Variants in DOK6 observed in about 807,000 individuals in gnomAD.
DOK6 encodes the protein downstream of tyrosine kinase 6.
DOK6 carries 22 observed loss-of-function variants against 44.0 expected under a neutral mutation model. The ratio of observed to expected loss-of-function variants is 0.50; its 90% CI spans 0.36 to 0.71. DOK6 has a LOEUF of 0.71. Among genes scored for constraint, DOK6 ranks in the 30% least tolerant of loss-of-function variants. The probability of loss-of-function intolerance (pLI) is 0.00; values close to 1 mark genes in which losing one functional copy is unlikely to be tolerated. For missense variants in DOK6, 340 were observed against 416.4 expected, an observed-to-expected ratio of 0.82 and a Z score of 1.60; for synonymous variants, 166 against 145.5, an observed-to-expected ratio of 1.14 and a Z score of -1.01.
chr18:69,404,349 G>A (rs1319222903), intron 1 of DOK6, among the ~76,000 whole-genome samples: 1 of 152,284 alleles, frequency 6.6e-6, no homozygotes, highest in East Asian at 1.9e-4. Context: ...CTTACCCACT[G>A]CTTGGGAAAG....
intron 7 of DOK6, among the ~76,000 whole-genome samples, chr18:69,777,172 AAACT>A (rs1980101746): frequency 6.6e-6 from 1 of 151,998 alleles, no homozygotes; most frequent in South Asian, 2.1e-4. Context: ...TAAAAAAGTA[AAACT>A]AACTTTTTCA....
At chr18:69,513,337 C>T (rs1981425560) in intron 1 of DOK6, among the ~76,000 whole-genome samples, 3 of 152,190 alleles carry the variant, frequency 2.0e-5, no homozygotes, top group Admixed American at 2.0e-4. Flanking sequence ...AACTCAGACA[C>T]ACGCCTTTGA....
intron 1 of DOK6, among the ~76,000 whole-genome samples, chr18:69,456,008 A>C (rs1397794320): frequency 6.6e-6 from 1 of 152,148 alleles, no homozygotes; most frequent in East Asian, 1.9e-4. Context: ...AAGACTTCAA[A>C]TTTGTTTGAA....
intron 7 of DOK6, among the ~76,000 whole-genome samples, chr18:69,822,629 G>T (rs1428158875): frequency 6.6e-6 from 1 of 152,174 alleles, no homozygotes; most frequent in African/African-American, 2.4e-5. Flanking sequence ...TTTGGCTTCA[G>T]AGGAAGACCT....
In DOK6 at chr18:69,436,573, G is replaced by C. The variant is rs1024028306; in HGVS notation, c.66+35263G>C. Among the ~76,000 whole-genome samples the C allele has an allele frequency of 3.9e-5, 6 of 152,220 alleles. No individual in the cohort carries two copies. In the East Asian group the frequency reaches 1.2e-3, roughly 29 times the overall value. On this transcript the variant is annotated intron_variant, in intron 1 of 7. Coordinates refer to ENST00000382713, the MANE Select transcript of DOK6 (RefSeq NM_152721.6). ...CCAGTCTATCATTGATGGACATTTG[G>C]GTTGGTTCCAAGTCTTTGCTATTGT...
At chr18:69,577,503 C>T (rs914841500) in intron 2 of DOK6, among the ~76,000 whole-genome samples, 3 of 152,116 alleles carry the variant, frequency 2.0e-5, no homozygotes, top group East Asian at 1.9e-4. Flanking sequence ...ATATACACAT[C>T]GGTTTCTAGG....
At chr18:69,494,360 C>T (rs1568275696) in intron 1 of DOK6, among the ~76,000 whole-genome samples, 1 of 152,092 alleles carries the variant, frequency 6.6e-6, no homozygotes, top group Admixed American at 6.5e-5. Flanking sequence ...CCTGTAATCC[C>T]AGCTATTTGG....
intron 4 of DOK6, among the ~76,000 whole-genome samples, chr18:69,680,613 A>G (rs1341516182): frequency 6.6e-6 from 1 of 152,226 alleles, no homozygotes; most frequent in African/African-American, 2.4e-5. Context: ...AGAGACAACT[A>G]TACACACACA....
chr18:69,474,431 T>C (rs1426104693), intron 1 of DOK6, among the ~76,000 whole-genome samples: 2 of 152,232 alleles, frequency 1.3e-5, no homozygotes, highest in Non-Finnish European at 2.9e-5. Flanking sequence ...AGGCAAACTC[T>C]TGCCTGATTT....
chr18:69,455,520 A>AT (rs922121141), intron 1 of DOK6, among the ~76,000 whole-genome samples: 1 of 152,060 alleles, frequency 6.6e-6, no homozygotes, highest in Non-Finnish European at 1.5e-5. Context: ...AAAATACCTC[A>AT]TTTTTTGTTT....
At chr18:69,424,126 C>T (rs1978571703) in intron 1 of DOK6, among the ~76,000 whole-genome samples, 1 of 152,092 alleles carries the variant, frequency 6.6e-6, no homozygotes, top group Non-Finnish European at 1.5e-5. Context: ...TAAATACCTA[C>T]AATTTGTATT....
chr18:69,412,149 G>T (rs1463909532), intron 1 of DOK6, among the ~76,000 whole-genome samples: 1 of 151,788 alleles, frequency 6.6e-6, no homozygotes, highest in Admixed American at 6.6e-5. Flanking sequence ...TGAGCATGTG[G>T]GCTTTCTTGA....
intron 1 of DOK6, among the ~76,000 whole-genome samples, chr18:69,487,615 G>A (rs181346289): frequency 1.3e-5 from 2 of 152,174 alleles, no homozygotes; most frequent in Admixed American, 6.5e-5. Context: ...ATGTTCCATC[G>A]ATGTTTATAG....
chr18:69,491,834 T>C (rs1329919942), intron 1 of DOK6, among the ~76,000 whole-genome samples: 1 of 152,256 alleles, frequency 6.6e-6, no homozygotes, highest in Non-Finnish European at 1.5e-5. Context: ...TCTATAAATA[T>C]ATAAATCATC....
At chr18:69,458,068 G>A (rs147627016) in intron 1 of DOK6, among the ~76,000 whole-genome samples, 9 of 152,156 alleles carry the variant, frequency 5.9e-5, no homozygotes, top group South Asian at 2.1e-4. Context: ...ACTTGAACCC[G>A]TGAGGCAGAA....
intron 4 of DOK6, among the ~76,000 whole-genome samples, chr18:69,691,152 C>T (rs1986254995): frequency 6.6e-6 from 1 of 151,272 alleles, no homozygotes; most frequent in Non-Finnish European, 1.5e-5. Context: ...CATTGCACTC[C>T]AGCCCGGGCG....
rs74175379 is a variant in DOK6 at position 69,655,761 on chromosome 18, CAAAAAAAA to C, written c.290-21958_290-21951del. ...GAGCGAGACTCCTTCCCCCACCCCT[CAAAAAAAA>C]AAAAAAAAAAAAAACAAAAGAACAA... On this transcript the variant is annotated intron_variant, in intron 3 of 7. Transcript: ENST00000382713. Among the ~76,000 whole-genome samples, 268 of 43,188 alleles carry C rather than the reference CAAAAAAAA, an allele frequency of 6.2e-3. 4 individuals carry two copies. The highest frequency in any genetic ancestry group is 0.028 in the African/African-American group (264 of 9,428). 28.3% of individuals were successfully genotyped at this position (43,188 alleles called of 152,430 possible).
chr18:69,793,913 C>T (rs772697583), intron 7 of DOK6, among the ~76,000 whole-genome samples: 15 of 152,040 alleles, frequency 9.9e-5, no homozygotes, highest in African/African-American at 2.7e-4. Flanking sequence ...CCACACTCAA[C>T]GAAACTGAGG....
chr18:69,430,200 G>A (rs1978764138), intron 1 of DOK6, among the ~76,000 whole-genome samples: 1 of 152,094 alleles, frequency 6.6e-6, no homozygotes. Flanking sequence ...AAAAGTCTTA[G>A]GTTGTCTACA....
Sources: gnomAD v4.1 joint callset for allele counts (sites outside exome capture counted in the v4.1 genomes callset) on GRCh38, gnomAD v4.1.1 for gene constraint, MANE v1.5 for transcripts, NCBI Gene and HGNC (gene_info 2026-07-23, HGNC 2026-07-21) for gene names.